STIMATE: variants seen among roughly 807,000 people sequenced by gnomAD.
STIMATE encodes store-operated calcium entry regulator STIMATE.
In STIMATE, 15 loss-of-function variants were observed where a neutral mutation model predicts 36.7. The ratio of observed to expected loss-of-function variants is 0.41; its 90% CI spans 0.27 to 0.63. The LOEUF (loss-of-function observed/expected upper bound fraction) is 0.63. Ranked by LOEUF, STIMATE falls within the 20% of genes least tolerant of loss-of-function variation. The pLI, the probability that STIMATE is intolerant of heterozygous loss-of-function variation, is 0.32. For missense variants in STIMATE, 305 were observed against 397.3 expected (o/e 0.77, Z 1.98); for synonymous variants, 163 against 162.3 (o/e 1.00, Z -0.03).
intron 1 of STIMATE, among the ~76,000 whole-genome samples, chr3:52,889,739 C>T (rs1465043226): frequency 6.6e-6 from 1 of 152,044 alleles, no homozygotes; most frequent in Non-Finnish European, 1.5e-5. Flanking sequence ...TTCTGTAGTC[C>T]CAAAGATAAA....
chr3:52,847,688 G>T, intron 4 of STIMATE: 2 of 569,118 alleles, frequency 3.5e-6, no homozygotes, highest in South Asian at 3.3e-5. Context: ...CCACACAGTT[G>T]CCTACATCCA....
intron 1 of STIMATE, among the ~76,000 whole-genome samples, chr3:52,896,143 C>T (rs1322820407): frequency 6.6e-6 from 1 of 152,170 alleles, no homozygotes; most frequent in African/African-American, 2.4e-5. Flanking sequence ...AGAGAATTCA[C>T]TCAAAGAAAC....
intron 1 of STIMATE, among the ~76,000 whole-genome samples, chr3:52,882,835 G>A (rs1701630293): frequency 6.6e-6 from 1 of 152,132 alleles, no homozygotes; most frequent in African/African-American, 2.4e-5. Flanking sequence ...TTAGGACCTG[G>A]CAATTAAGAG....
At chr3:52,868,786 C>T (rs902411310) in intron 1 of STIMATE, among the ~76,000 whole-genome samples, 3 of 152,144 alleles carry the variant, frequency 2.0e-5, no homozygotes, top group Non-Finnish European at 4.4e-5. Context: ...CCATGCCTGG[C>T]TAATTCTGTA....
intron 1 of STIMATE, among the ~76,000 whole-genome samples, chr3:52,872,515 C>CA (rs1276453326): frequency 3.3e-5 from 5 of 152,230 alleles, no homozygotes; most frequent in Non-Finnish European, 5.9e-5. Context: ...GCAAGACTGT[C>CA]AGAGGCCAAC....
At chr3:52,870,741 C>T (rs1047101176) in intron 1 of STIMATE, among the ~76,000 whole-genome samples, 8 of 152,124 alleles carry the variant, frequency 5.3e-5, no homozygotes, top group African/African-American at 1.2e-4. Flanking sequence ...GCAGGGCAGG[C>T]GCCTGGGAGG....
rs368047090 is a variant in STIMATE at position 52,840,450 on chromosome 3, A to G, written c.*44T>C. 6.2e-7 allele frequency: 1 copy of G among 1,601,422 alleles called. No homozygotes were observed. The highest frequency in any genetic ancestry group is 1.3e-5 in the African/African-American group (1 of 74,704). On this transcript the variant is annotated 3_prime_UTR_variant, in exon 8 of 8. Coordinates refer to ENST00000355083, the MANE Select transcript of STIMATE (RefSeq NM_198563.5). ...TGCTGCGGGATGACCTCTGCACACC[A>G]GCGGCTGGCGGGGCCCTCCCGTCAC...
intron 1 of STIMATE, among the ~76,000 whole-genome samples, chr3:52,867,711 C>T (rs913966504): frequency 6.6e-6 from 1 of 152,240 alleles, no homozygotes. Context: ...GCGCCACCTC[C>T]AGCTGAATAT....
chr3:52,880,709 C>T (rs1701588318), intron 1 of STIMATE, among the ~76,000 whole-genome samples: 1 of 152,182 alleles, frequency 6.6e-6, no homozygotes. Flanking sequence ...AGCCACACAA[C>T]TGAGAAGACC....
At chr3:52,875,988 C>A (rs555748979) in intron 1 of STIMATE, among the ~76,000 whole-genome samples, 3 of 152,308 alleles carry the variant, frequency 2.0e-5, no homozygotes, top group African/African-American at 7.2e-5. Context: ...CAACAGCACC[C>A]TGCTTTACCA....
chr3:52,870,411 G>A (rs1430774121), intron 1 of STIMATE, among the ~76,000 whole-genome samples: 3 of 152,064 alleles, frequency 2.0e-5, no homozygotes, highest in Admixed American at 6.5e-5. Context: ...CGCTTCCCAC[G>A]TGGGAACGGA....
chr3:52,859,247 A>C, intron 1 of STIMATE, among the ~76,000 whole-genome samples: 1 of 151,042 alleles, frequency 6.6e-6, no homozygotes, highest in Admixed American at 6.6e-5. Context: ...GAAGATTTTC[A>C]AATTATATTA....
intron 1 of STIMATE, among the ~76,000 whole-genome samples, chr3:52,859,730 G>C (rs921435087): frequency 6.6e-6 from 1 of 151,280 alleles, no homozygotes; most frequent in Non-Finnish European, 1.5e-5. Context: ...TTGATTAAAG[G>C]AATTATGGAT....
intron 1 of STIMATE, among the ~76,000 whole-genome samples, chr3:52,861,650 T>C (rs1701217556): frequency 6.6e-6 from 1 of 152,190 alleles, no homozygotes; most frequent in Non-Finnish European, 1.5e-5. Context: ...CAGGAGAGCA[T>C]GCCTCACTGT....
chr3:52,878,990 CA>C (rs1308908272), intron 1 of STIMATE, among the ~76,000 whole-genome samples: 2 of 151,880 alleles, frequency 1.3e-5, no homozygotes, highest in African/African-American at 2.4e-5. Context: ...TTTACTCAAG[CA>C]AAAAAACTCT....
chr3:52,883,331 G>A (rs996334556), intron 1 of STIMATE, among the ~76,000 whole-genome samples: 1 of 152,154 alleles, frequency 6.6e-6, no homozygotes, highest in African/African-American at 2.4e-5. Flanking sequence ...TGATTTCTCT[G>A]TATATAATGT....
In STIMATE at chr3:52,840,544, G is replaced by C. The variant is rs376586517; in HGVS notation, c.835C>G (p.Pro279Ala). 1.2e-6 allele frequency: 2 copies of C among 1,614,040 alleles called. No individual in the cohort carries two copies. Among genetic ancestry groups the C allele is most frequent in the Non-Finnish European group, 8.5e-7 (1 of 1,179,980 alleles). Residue 279 changes from proline to alanine, a missense_variant, in exon 8 of 8, where the codon CCC (proline) becomes GCC (alanine). By Grantham distance (27) the Pro-to-Ala change is conservative. This residue lies in a region of STIMATE where 84 missense variants were observed against 82.4 expected (regional missense o/e 1.02). Coordinates refer to ENST00000355083, the MANE Select transcript of STIMATE (RefSeq NM_198563.5). ...TTCTTTTTCTTCACAGGCTTGAGGG[G>C]GGTCAGTCTGCGGAGGTCCTCCTCC... is the stretch of plus-strand genomic sequence containing the variant. The part of the protein sequence containing the change: ...DVEEDLRRLT[P>A]LKPVKKKKHR...
In STIMATE at chr3:52,840,444, C is replaced by A; in HGVS notation, c.*50G>T. 6.3e-7 allele frequency: 1 copy of A among 1,597,774 alleles called. No homozygotes were observed. Among genetic ancestry groups the A allele is most frequent in the East Asian group, 2.2e-5 (1 of 44,712 alleles). On this transcript the variant is annotated 3_prime_UTR_variant, in exon 8 of 8. Coordinates refer to ENST00000355083, the MANE Select transcript of STIMATE (RefSeq NM_198563.5). ...GAACGATGCTGCGGGATGACCTCTG[C>A]ACACCAGCGGCTGGCGGGGCCCTCC...
intron 1 of STIMATE, among the ~76,000 whole-genome samples, chr3:52,887,564 C>A (rs114047981): frequency 0.015 from 2,222 of 152,316 alleles, 49 homozygotes; most frequent in African/African-American, 0.05. Flanking sequence ...GCAGCTACAG[C>A]CAATGAGAAC....
Sources: gnomAD v4.1 joint callset for allele counts (sites outside exome capture counted in the v4.1 genomes callset) on GRCh38, gnomAD v4.1.1 for gene constraint, gnomAD v4.1.1 regional missense constraint, MANE v1.5 for transcripts, NCBI Gene and HGNC (gene_info 2026-07-23, HGNC 2026-07-21) for gene names.